PTPRG: variants seen among roughly 807,000 people sequenced by gnomAD.
PTPRG encodes the protein receptor-type tyrosine-protein phosphatase gamma.
A neutral mutation model predicts 165.3 loss-of-function variants in PTPRG; 102 were observed. That is an observed-to-expected ratio of 0.62 (90% CI 0.53 to 0.73). The LOEUF (loss-of-function observed/expected upper bound fraction) is 0.73. Among genes scored for constraint, PTPRG ranks in the 30% least tolerant of loss-of-function variants. The probability of loss-of-function intolerance (pLI) is 0.00; values close to 1 mark genes in which losing one functional copy is unlikely to be tolerated. For missense variants in PTPRG, 1,866 were observed against 1,861.4 expected (o/e 1.00, Z -0.05); for synonymous variants, 675 against 669.5 (o/e 1.01, Z -0.13).
At chr3:61,615,053 G>A (rs565729833) in intron 1 of PTPRG, among the ~76,000 whole-genome samples, 4 of 152,246 alleles carry the variant, frequency 2.6e-5, no homozygotes, top group South Asian at 4.1e-4. Flanking sequence ...ACTTTTCCTC[G>A]CTGAACTACT....
At chr3:62,041,420 T>A (rs1700124069) in intron 4 of PTPRG, among the ~76,000 whole-genome samples, 1 of 152,156 alleles carries the variant, frequency 6.6e-6, no homozygotes, top group Non-Finnish European at 1.5e-5. Context: ...ATCCAAGAAT[T>A]CTAGAAACAC....
intron 5 of PTPRG, 54 bp from the exon 6 acceptor site, chr3:62,132,548 T>C: frequency 2.9e-6 from 4 of 1,373,580 alleles, no homozygotes; most frequent in Non-Finnish European, 4.2e-6. Context: ...AAACTGAGAC[T>C]GTTGTGCCTG....
intron 8 of PTPRG, among the ~76,000 whole-genome samples, chr3:62,170,430 G>A (rs1454529286): frequency 6.6e-6 from 1 of 152,124 alleles, no homozygotes; most frequent in Non-Finnish European, 1.5e-5. Context: ...CTGAGATGGT[G>A]ACAGATACAA....
intron 4 of PTPRG, among the ~76,000 whole-genome samples, chr3:62,038,769 A>G (rs550745630): frequency 2.0e-5 from 3 of 152,234 alleles, no homozygotes; most frequent in African/African-American, 7.2e-5. Flanking sequence ...GGAGATATAT[A>G]TAGAGAGATT....
chr3:61,992,152 A>G (rs2040908745), intron 3 of PTPRG, among the ~76,000 whole-genome samples: 1 of 152,248 alleles, frequency 6.6e-6, no homozygotes, highest in Non-Finnish European at 1.5e-5. Context: ...AGATAGGCCA[A>G]TATATTGTAA....
chr3:61,971,817 C>T (rs753911592), intron 2 of PTPRG, among the ~76,000 whole-genome samples: 1 of 152,146 alleles, frequency 6.6e-6, no homozygotes, highest in Non-Finnish European at 1.5e-5. Context: ...ATAAATTATA[C>T]CTCAATAGAG....
chr3:61,948,474 T>C (rs13325794), intron 2 of PTPRG, among the ~76,000 whole-genome samples: 52,844 of 151,972 alleles, frequency 0.35, 10,498 homozygotes, highest in African/African-American at 0.53. Context: ...ACCTCAAATT[T>C]CTTTCTTCAT....
At chr3:62,244,022 T>A (rs1426160798) in intron 15 of PTPRG, 124 bp downstream of exon 15, 12 of 591,210 alleles carry the variant, frequency 2.0e-5, no homozygotes, top group Non-Finnish European at 3.2e-5. Context: ...TAAGAAATTC[T>A]CTTTAGAAGA....
intron 4 of PTPRG, among the ~76,000 whole-genome samples, chr3:62,075,647 C>T (rs985080285): frequency 6.6e-6 from 1 of 152,190 alleles, no homozygotes; most frequent in South Asian, 2.1e-4. Context: ...CCTGATTGCC[C>T]TCTTCACAGA....
At chr3:61,679,166 T>G (rs897722128) in intron 1 of PTPRG, among the ~76,000 whole-genome samples, 1 of 152,188 alleles carries the variant, frequency 6.6e-6, no homozygotes, top group African/African-American at 2.4e-5. Context: ...AACTCCCAAA[T>G]GATACATTAA....
At chr3:61,937,959 G>A (rs1444719633) in intron 2 of PTPRG, among the ~76,000 whole-genome samples, 1 of 150,380 alleles carries the variant, frequency 6.6e-6, no homozygotes, top group Non-Finnish European at 1.5e-5. Flanking sequence ...TCCCCCTTCA[G>A]TGAATTATCT....
At chr3:61,748,730 T>A (rs995389295) in intron 1 of PTPRG, 148 bp from the exon 2 acceptor site, 1 of 608,620 alleles carries the variant, frequency 1.6e-6, no homozygotes, top group African/African-American at 1.9e-5. Context: ...CCTATAGTTT[T>A]TTTTTTTTTT....
At chr3:61,823,420 C>G (rs937173139) in intron 2 of PTPRG, among the ~76,000 whole-genome samples, 4 of 152,158 alleles carry the variant, frequency 2.6e-5, no homozygotes, top group African/African-American at 9.7e-5. Context: ...AATCTCCTGA[C>G]CTCGTGATCC....
chr3:61,740,096 A>G (rs1209077859), intron 1 of PTPRG, among the ~76,000 whole-genome samples: 3 of 152,168 alleles, frequency 2.0e-5, no homozygotes, highest in Non-Finnish European at 4.4e-5. Flanking sequence ...GCTGTTTGCC[A>G]TTTCTGCTGG....
intron 5 of PTPRG, among the ~76,000 whole-genome samples, chr3:62,111,611 G>C (rs1391649211): frequency 6.6e-6 from 1 of 151,962 alleles, no homozygotes; most frequent in Non-Finnish European, 1.5e-5. Flanking sequence ...CACCAAGCCT[G>C]GCTATTTTCA....
chr3:62,187,986 G>A (rs368439525), intron 8 of PTPRG, among the ~76,000 whole-genome samples: 1 of 152,202 alleles, frequency 6.6e-6, no homozygotes, highest in East Asian at 1.9e-4. Flanking sequence ...CATTGAGACA[G>A]TGAGATTCTG....
At chr3:62,057,351 G>C (rs1005211825) in intron 4 of PTPRG, among the ~76,000 whole-genome samples, 13 of 152,196 alleles carry the variant, frequency 8.5e-5, no homozygotes, top group African/African-American at 2.2e-4. Context: ...ACTGTTTTCT[G>C]TTGTCCAGGA....
intron 2 of PTPRG, among the ~76,000 whole-genome samples, chr3:61,790,125 G>A (rs935201051): frequency 2.0e-5 from 3 of 152,138 alleles, no homozygotes; most frequent in Admixed American, 6.5e-5. Context: ...TCACTTAGCC[G>A]TGTCTGTCAT....
At chr3:62,070,903 T>C (rs983499446) in intron 4 of PTPRG, among the ~76,000 whole-genome samples, 2 of 150,888 alleles carry the variant, frequency 1.3e-5, no homozygotes, top group Non-Finnish European at 2.9e-5. Flanking sequence ...ACCTGCACAA[T>C]GTGCACATGT....
Sources: gnomAD v4.1 joint callset for allele counts (sites outside exome capture counted in the v4.1 genomes callset) on GRCh38, gnomAD v4.1.1 for gene constraint, MANE v1.5 for transcripts, NCBI Gene and HGNC (gene_info 2026-07-23, HGNC 2026-07-21) for gene names.